The following SPTLC3 variants were observed in gnomAD, a reference collection of about 807,000 sequenced individuals.
The protein encoded by SPTLC3 is serine palmitoyltransferase long chain base subunit 3.
A neutral mutation model predicts 59.3 loss-of-function variants in SPTLC3; 36 were observed. The observed-to-expected ratio is 0.61, with a 90% CI of 0.47 to 0.80. The LOEUF (loss-of-function observed/expected upper bound fraction) is 0.80, where lower values mean the gene tolerates loss of function less well. Among genes scored for constraint, SPTLC3 ranks in the 30% least tolerant of loss-of-function variants. The probability of loss-of-function intolerance (pLI) is 0.00; values close to 1 mark genes in which losing one functional copy is unlikely to be tolerated. For synonymous variants in SPTLC3, 257 were observed against 240.8 expected (o/e 1.07, Z -0.62); for missense variants, 625 against 685.1 (o/e 0.91, Z 0.98).
chr20:13,129,189 A>G (rs183877595), intron 9 of SPTLC3, among the ~76,000 whole-genome samples: 1 of 152,180 alleles, frequency 6.6e-6, no homozygotes, highest in Non-Finnish European at 1.5e-5. Flanking sequence ...TGTAGTCGAG[A>G]CGGGGTTTCA....
intron 1 of SPTLC3, among the ~76,000 whole-genome samples, chr20:13,031,276 A>G (rs2122431342): frequency 6.6e-6 from 1 of 152,306 alleles, no homozygotes; most frequent in South Asian, 2.1e-4. Flanking sequence ...AAATGTGGCT[A>G]GTGCAATCGA....
intron 3 of SPTLC3, 53 bp from the exon 4 acceptor site, chr20:13,074,296 C>T (rs755976633): frequency 8.8e-6 from 14 of 1,587,366 alleles, no homozygotes; most frequent in South Asian, 2.3e-5. Context: ...TTTTTTGAAT[C>T]GTGCATAATC....
Position 13,091,113 on chromosome 20 carries a change from A to G in SPTLC3, c.638A>G (p.Asp213Gly). 3.1e-6 allele frequency: 5 copies of G among 1,613,978 alleles called. No homozygotes were observed. The highest frequency in any genetic ancestry group is 4.2e-6 in the Non-Finnish European group (5 of 1,179,912). The stretch of plus-strand genomic sequence containing the variant: ...TTGGATAAGCACAAGGAGTTGGAGG[A>G]CCTTGTGGCTAAGTTCCTGAATGTG... ...GTLDKHKELE[D>G]LVAKFLNVEA... The change falls in exon 5 of 12, where the codon GAC becomes GGC. Residue 213 changes from aspartate to glycine, a missense_variant. Coordinates refer to ENST00000399002, the MANE Select transcript of SPTLC3 (RefSeq NM_018327.4).
chr20:13,073,711 G>A (rs899640052), intron 3 of SPTLC3: 2 of 453,008 alleles, frequency 4.4e-6, no homozygotes, highest in Non-Finnish European at 8.6e-6. Flanking sequence ...TGCAGCTTCA[G>A]TTCTGAGTTG....
At chr20:13,103,969 T>G (rs1347662929) in intron 6 of SPTLC3, among the ~76,000 whole-genome samples, 3 of 152,222 alleles carry the variant, frequency 2.0e-5, no homozygotes, top group Non-Finnish European at 2.9e-5. Context: ...AAACTGCATC[T>G]TCAGCTTTTC....
chr20:13,151,165 G>A (rs1488034127), intron 9 of SPTLC3, among the ~76,000 whole-genome samples: 1 of 152,114 alleles, frequency 6.6e-6, no homozygotes, highest in African/African-American at 2.4e-5. Flanking sequence ...GGCTTACTCT[G>A]TCTCACAGAT....
intron 8 of SPTLC3, 88 bp from the exon 9 acceptor site, chr20:13,126,503 T>G: frequency 1.3e-5 from 19 of 1,459,944 alleles, no homozygotes; most frequent in East Asian, 2.4e-5. Flanking sequence ...TCTTTTGCTA[T>G]GAGGATAGGG....
chr20:13,156,865 A>C (rs1453410168), intron 10 of SPTLC3, among the ~76,000 whole-genome samples: 1 of 152,186 alleles, frequency 6.6e-6, no homozygotes, highest in Non-Finnish European at 1.5e-5. Flanking sequence ...CAAAATAATT[A>C]TTACAATTTT....
intron 8 of SPTLC3, among the ~76,000 whole-genome samples, chr20:13,120,898 G>A (rs973769821): frequency 2.0e-5 from 3 of 152,126 alleles, no homozygotes; most frequent in African/African-American, 4.8e-5. Flanking sequence ...GTTTGGAGCC[G>A]CTATAGATGC....
At chr20:13,123,642 A>G (rs1287282511) in intron 8 of SPTLC3, among the ~76,000 whole-genome samples, 6 of 152,148 alleles carry the variant, frequency 3.9e-5, no homozygotes, top group African/African-American at 1.4e-4. Flanking sequence ...TCTCAGAAGC[A>G]CTGGCTTCTC....
At chr20:13,113,822 A>G (rs116969441) in intron 7 of SPTLC3, among the ~76,000 whole-genome samples, 1 of 152,240 alleles carries the variant, frequency 6.6e-6, no homozygotes, top group Non-Finnish European at 1.5e-5. Context: ...ACAATAAGTC[A>G]TCTATGTTGC....
At chr20:13,074,143 T>C in intron 3 of SPTLC3, 1 of 744,020 alleles carries the variant, frequency 1.3e-6, no homozygotes, top group Admixed American at 1.9e-5. Flanking sequence ...TGAGGGGGTC[T>C]GGATCCTCCG....
chr20:13,057,558 C>T (rs1225898355), intron 2 of SPTLC3, among the ~76,000 whole-genome samples: 1 of 151,924 alleles, frequency 6.6e-6, no homozygotes. Flanking sequence ...AAATTGGTTC[C>T]CAAACATAAA....
At chr20:13,087,729 C>A (rs1343340575) in intron 4 of SPTLC3, among the ~76,000 whole-genome samples, 1 of 152,184 alleles carries the variant, frequency 6.6e-6, no homozygotes, top group East Asian at 1.9e-4. Flanking sequence ...GAAGTCATGG[C>A]ATCTCACACA....
intron 9 of SPTLC3, among the ~76,000 whole-genome samples, chr20:13,146,693 A>G (rs2038517531): frequency 1.3e-5 from 2 of 152,152 alleles, no homozygotes; most frequent in Admixed American, 1.3e-4. Flanking sequence ...CTGTTAGATC[A>G]TTTGTTCCAA....
intron 7 of SPTLC3, among the ~76,000 whole-genome samples, chr20:13,110,432 C>T (rs912701196): frequency 3.9e-5 from 6 of 152,122 alleles, no homozygotes; most frequent in African/African-American, 1.4e-4. Flanking sequence ...GGAGGCTGGC[C>T]GGCTTGTGAA....
At chr20:13,019,356 C>T (rs1416734652) in intron 1 of SPTLC3, among the ~76,000 whole-genome samples, 2 of 152,136 alleles carry the variant, frequency 1.3e-5, no homozygotes, top group Non-Finnish European at 2.9e-5. Flanking sequence ...AATTTGTAAC[C>T]TCTAAACTAT....
At position 13,117,521 on chromosome 20, in the gene SPTLC3, CG is replaced by C; in HGVS notation, c.949del (p.Val317CysfsTer7). The stretch of plus-strand genomic sequence containing the variant: ...TCTGCCCTAGCATGGAAGGTTCCAT[CG>C]TGCATCTGCCCCAGATCATAGCTCT... ...EGVYSMEGSIVHLPQIIALKK... is the reference protein window; with the variant it reads ...EGVYSMEGSIXHLPQIIALKK... On this transcript the variant is annotated frameshift_variant, in exon 8 of 12. Transcript: ENST00000399002. LOFTEE classifies it high-confidence loss of function. The C allele has an allele frequency of 6.3e-7, 1 of 1,596,110 alleles. No individual in the cohort carries two copies. The highest frequency in any genetic ancestry group is 8.5e-7 in the Non-Finnish European group (1 of 1,171,380).
In SPTLC3 at chr20:13,168,069, A is replaced by G. The variant is rs2039005724; in HGVS notation, c.*3202A>G. Reference sequence around the variant, plus strand: ...TTCTACAAAAATTGATCCAATATTGAAGAACCATCTGCGATTCATTTGGGT... The same window carrying G: ...TTCTACAAAAATTGATCCAATATTGGAGAACCATCTGCGATTCATTTGGGT... On this transcript the variant is annotated 3_prime_UTR_variant, in exon 12 of 12. Coordinates refer to ENST00000399002, the MANE Select transcript of SPTLC3 (RefSeq NM_018327.4). 1 of 152,168 alleles carries G rather than the reference A, an allele frequency of 6.6e-6. No individual in the cohort carries two copies. Among genetic ancestry groups the G allele is most frequent in the Non-Finnish European group, 1.5e-5 (1 of 68,032 alleles). 9.4% of individuals were successfully genotyped at this position (152,168 alleles called of 1,614,324 possible).
Sources: allele counts gnomAD v4.1 joint callset (sites outside exome capture counted in the v4.1 genomes callset), GRCh38; gene constraint gnomAD v4.1.1; transcripts MANE v1.5; gene names NCBI Gene and HGNC (gene_info 2026-07-23, HGNC 2026-07-21).